JAM3: variants seen among roughly 807,000 people sequenced by gnomAD.
The protein encoded by JAM3 is junctional adhesion molecule C.
Under a neutral mutation model 39.4 loss-of-function variants are expected in JAM3, and 31 were observed. The ratio of observed to expected loss-of-function variants is 0.79; its 90% CI spans 0.59 to 1.06. The LOEUF (loss-of-function observed/expected upper bound fraction) is 1.06. JAM3 is among the 50% of genes least tolerant of loss of function. JAM3 has a pLI of 0.00. For synonymous variants in JAM3, 182 were observed against 148.7 expected (o/e 1.22, Z -1.63); for missense variants, 455 against 391.4 (o/e 1.16, Z -1.37).
chr11:134,112,015 C>A (rs12363210), intron 1 of JAM3, among the ~76,000 whole-genome samples: 3,345 of 152,222 alleles, frequency 0.022, 67 homozygotes, highest in Non-Finnish European at 0.031. Flanking sequence ...GATCTCTAAA[C>A]GTGAAAAAAG....
At chr11:134,118,865 C>T (rs1368372551) in intron 1 of JAM3, among the ~76,000 whole-genome samples, 11 of 152,112 alleles carry the variant, frequency 7.2e-5, no homozygotes. Flanking sequence ...AACGGTCTTT[C>T]CAGGTTAGCC....
At chr11:134,101,018 C>T (rs1192698274) in intron 1 of JAM3, among the ~76,000 whole-genome samples, 1 of 152,058 alleles carries the variant, frequency 6.6e-6, no homozygotes, top group Non-Finnish European at 1.5e-5. Context: ...AGTGGTCAGC[C>T]AGGATACATG....
intron 1 of JAM3, among the ~76,000 whole-genome samples, chr11:134,102,130 G>C (rs1352300374): frequency 6.6e-6 from 1 of 152,158 alleles, no homozygotes; most frequent in African/African-American, 2.4e-5. Flanking sequence ...TCATAGATGA[G>C]AAAACTGAGG....
At chr11:134,112,087 G>C (rs1299730383) in intron 1 of JAM3, among the ~76,000 whole-genome samples, 1 of 152,128 alleles carries the variant, frequency 6.6e-6, no homozygotes, top group Non-Finnish European at 1.5e-5. Context: ...TTACGGTAAA[G>C]CAATTTATTT....
chr11:134,126,124 C>T (rs946502646), intron 1 of JAM3, among the ~76,000 whole-genome samples: 4 of 152,118 alleles, frequency 2.6e-5, no homozygotes, highest in African/African-American at 9.7e-5. Context: ...CCACCCTTGT[C>T]TTCCCAGGAA....
At chr11:134,079,351 T>C (rs1565481827) in intron 1 of JAM3, among the ~76,000 whole-genome samples, 1 of 152,190 alleles carries the variant, frequency 6.6e-6, no homozygotes, top group Non-Finnish European at 1.5e-5. Context: ...GATGAAGACA[T>C]TCAGGGACAA....
chr11:134,133,330 T>C (rs1442310856), intron 1 of JAM3, among the ~76,000 whole-genome samples: 1 of 152,222 alleles, frequency 6.6e-6, no homozygotes, highest in Non-Finnish European at 1.5e-5. Flanking sequence ...CAATATCATG[T>C]TGAATAGAAG....
At chr11:134,144,607 C>T (rs1943036311) in intron 4 of JAM3, among the ~76,000 whole-genome samples, 185 bp from the exon 5 acceptor site, 1 of 152,160 alleles carries the variant, frequency 6.6e-6, no homozygotes. Context: ...AGAGGAGGCG[C>T]TTTAACATAT....
intron 1 of JAM3, among the ~76,000 whole-genome samples, chr11:134,118,787 A>T (rs1184055061): frequency 6.6e-6 from 1 of 152,078 alleles, no homozygotes; most frequent in Non-Finnish European, 1.5e-5. Context: ...TTTCCTCCCC[A>T]TGATAATCCT....
intron 1 of JAM3, among the ~76,000 whole-genome samples, chr11:134,077,588 T>G (rs532955402): frequency 3.3e-5 from 5 of 151,302 alleles, no homozygotes; most frequent in South Asian, 4.2e-4. Flanking sequence ...GGTCTCGAAC[T>G]CTGGACCTCA....
At chr11:134,122,858 C>T (rs987329437) in intron 1 of JAM3, among the ~76,000 whole-genome samples, 5 of 152,174 alleles carry the variant, frequency 3.3e-5, no homozygotes, top group East Asian at 3.9e-4. Context: ...ATCAGAGTAA[C>T]GCTACAGCCC....
At chr11:134,103,044 C>G (rs1459996940) in intron 1 of JAM3, among the ~76,000 whole-genome samples, 1 of 152,072 alleles carries the variant, frequency 6.6e-6, no homozygotes, top group Non-Finnish European at 1.5e-5. Flanking sequence ...AAGAGCAACT[C>G]CAAGACACAT....
intron 1 of JAM3, among the ~76,000 whole-genome samples, chr11:134,110,118 A>T (rs1260283489): frequency 6.6e-6 from 1 of 152,218 alleles, no homozygotes; most frequent in Non-Finnish European, 1.5e-5. Context: ...ACAGTAAGAT[A>T]CCACTGTGCA....
At chr11:134,092,709 C>A (rs80139563) in intron 1 of JAM3, among the ~76,000 whole-genome samples, 1 of 134,582 alleles carries the variant, frequency 7.4e-6, no homozygotes, top group African/African-American at 2.9e-5. Flanking sequence ...CATCATGTTC[C>A]ACCTTACATG....
intron 1 of JAM3, among the ~76,000 whole-genome samples, chr11:134,079,874 C>T (rs1941635294): frequency 6.6e-6 from 1 of 152,208 alleles, no homozygotes; most frequent in Non-Finnish European, 1.5e-5. Context: ...TCTTCCTCTT[C>T]TGAAAATTTA....
chr11:134,087,208 T>C (rs539412017), intron 1 of JAM3, among the ~76,000 whole-genome samples: 3 of 151,382 alleles, frequency 2.0e-5, no homozygotes, highest in Non-Finnish European at 4.4e-5. Context: ...ATGAAGGAGA[T>C]ACACACACAC....
chr11:134,081,021 G>T (rs1170314776), intron 1 of JAM3, among the ~76,000 whole-genome samples: 1 of 152,200 alleles, frequency 6.6e-6, no homozygotes, highest in Non-Finnish European at 1.5e-5. Context: ...AGAGTCTGGT[G>T]GCATTTTGCC....
chr11:134,118,544 T>G (rs1378489228), intron 1 of JAM3, among the ~76,000 whole-genome samples: 2 of 152,094 alleles, frequency 1.3e-5, no homozygotes, highest in East Asian at 3.8e-4. Context: ...TCCTCCTCTC[T>G]GTCCTCTCTT....
At chr11:134,110,661 C>T (rs1290434552) in intron 1 of JAM3, among the ~76,000 whole-genome samples, 2 of 151,912 alleles carry the variant, frequency 1.3e-5, no homozygotes, top group Non-Finnish European at 2.9e-5. Context: ...GAAGGAAGGG[C>T]AGAAGGGAAG....
Sources: allele counts gnomAD v4.1 joint callset (sites outside exome capture counted in the v4.1 genomes callset), GRCh38; gene constraint gnomAD v4.1.1; transcripts MANE v1.5; gene names NCBI Gene and HGNC (gene_info 2026-07-23, HGNC 2026-07-21).